The following SHANK2 variants were observed in gnomAD, a reference collection of about 807,000 sequenced individuals.
SHANK2 encodes SH3 and multiple ankyrin repeat domains protein 2.
Under a neutral mutation model 133.7 loss-of-function variants are expected in SHANK2, and 43 were observed. That is an observed-to-expected ratio of 0.32 (90% CI 0.25 to 0.41). The LOEUF (loss-of-function observed/expected upper bound fraction) is 0.41. Among genes scored for constraint, SHANK2 ranks in the 10% least tolerant of loss-of-function variants. The pLI is 1.00. For synonymous variants in SHANK2, 1,017 were observed against 952.8 expected, an observed-to-expected ratio of 1.07 and a Z score of -1.24; for missense variants, 1,994 against 2,235.8, an observed-to-expected ratio of 0.89 and a Z score of 2.18.
At chr11:70,761,231 T>C (rs1555040143) in intron 14 of SHANK2, among the ~76,000 whole-genome samples, 3 of 152,134 alleles carry the variant, frequency 2.0e-5, no homozygotes, top group African/African-American at 7.2e-5. Flanking sequence ...AAGGTCATGA[T>C]GGTGGGGCCC....
chr11:71,097,602 C>A (rs1180688245), intron 6 of SHANK2, among the ~76,000 whole-genome samples: 1 of 152,230 alleles, frequency 6.6e-6, no homozygotes, highest in Non-Finnish European at 1.5e-5. Context: ...GACCCTCCAA[C>A]TAGAGGCTGC....
At chr11:71,210,242 A>T (rs868926645) in intron 2 of SHANK2, among the ~76,000 whole-genome samples, 19 of 87,648 alleles carry the variant, frequency 2.2e-4, no homozygotes, top group African/African-American at 8.7e-4. Flanking sequence ...ATATATATAT[A>T]TATATATATA....
intron 2 of SHANK2, among the ~76,000 whole-genome samples, chr11:71,215,048 G>A (rs1954377448): frequency 6.6e-6 from 1 of 152,204 alleles, no homozygotes; most frequent in South Asian, 2.1e-4. Flanking sequence ...TTTCCCTTCA[G>A]CGGACAGCTC....
At chr11:70,887,799 T>C (rs190294750) in intron 11 of SHANK2, among the ~76,000 whole-genome samples, 1 of 152,238 alleles carries the variant, frequency 6.6e-6, no homozygotes, top group African/African-American at 2.4e-5. Flanking sequence ...CACCCACCTC[T>C]AGCTTGGAAT....
chr11:70,888,891 G>A (rs911977323), intron 11 of SHANK2, among the ~76,000 whole-genome samples: 26 of 152,082 alleles, frequency 1.7e-4, no homozygotes, highest in Non-Finnish European at 2.8e-4. Flanking sequence ...GCTGGGGGAG[G>A]AGCCATCCAT....
At chr11:70,667,288 C>T (rs1402447772) in intron 15 of SHANK2, among the ~76,000 whole-genome samples, 2 of 152,184 alleles carry the variant, frequency 1.3e-5, no homozygotes, top group African/African-American at 4.8e-5. Flanking sequence ...CTCCTGGGAG[C>T]CACTTGGAGG....
At chr11:70,930,873 C>T (rs1950494747) in intron 10 of SHANK2, among the ~76,000 whole-genome samples, 1 of 149,774 alleles carries the variant, frequency 6.7e-6, no homozygotes, top group African/African-American at 2.5e-5. Flanking sequence ...CACTATTTTG[C>T]CTGGGGTAGT....
intron 14 of SHANK2, among the ~76,000 whole-genome samples, chr11:70,776,559 T>C (rs146407260): frequency 4.5e-4 from 68 of 152,274 alleles, no homozygotes; most frequent in African/African-American, 1.3e-3. Context: ...AGACATCTCA[T>C]TGGGTAATGT....
At chr11:70,678,541 T>TC (rs1944953899) in intron 15 of SHANK2, among the ~76,000 whole-genome samples, 1 of 140,414 alleles carries the variant, frequency 7.1e-6, no homozygotes, top group Admixed American at 7.0e-5. Flanking sequence ...GCTTTTTTTT[T>TC]TTTTTTTTTT....
chr11:71,139,958 A>G lies in SHANK2; in HGVS notation c.207+7162T>C, dbSNP rs191786541. Among the ~76,000 whole-genome samples the G allele has an allele frequency of 5.2e-3, 794 of 152,196 alleles. 8 individuals carry two copies. Among genetic ancestry groups the G allele is most frequent in the African/African-American group, 0.017 (726 of 41,512 alleles). Reference sequence around the variant, plus strand: ...AGGAGGGGTGGCATTGGGGGAGAAAAGGGGCCGCCCAGGTGCTTCTCCAGC... The same window carrying G: ...AGGAGGGGTGGCATTGGGGGAGAAAGGGGGCCGCCCAGGTGCTTCTCCAGC... On this transcript the variant is annotated intron_variant, in intron 3 of 25. Transcript: ENST00000601538.
intron 17 of SHANK2, among the ~76,000 whole-genome samples, chr11:70,537,789 G>A (rs1476427558): frequency 3.3e-5 from 5 of 152,228 alleles, no homozygotes; most frequent in Admixed American, 2.0e-4. Context: ...GGGGACCCTC[G>A]ACATTCTGCT....
chr11:71,176,339 G>T (rs1437905270), intron 2 of SHANK2, among the ~76,000 whole-genome samples: 1 of 151,976 alleles, frequency 6.6e-6, no homozygotes, highest in East Asian at 1.9e-4. Flanking sequence ...TTTAGCAATA[G>T]AAAATTCAAT....
At chr11:71,214,895 C>T (rs1193135380) in intron 2 of SHANK2, among the ~76,000 whole-genome samples, 2 of 152,190 alleles carry the variant, frequency 1.3e-5, no homozygotes, top group Non-Finnish European at 2.9e-5. Flanking sequence ...GTTCTGGTCT[C>T]CAGGTATTGA....
intron 10 of SHANK2, among the ~76,000 whole-genome samples, chr11:70,941,857 T>A (rs1219135313): frequency 6.6e-6 from 1 of 150,400 alleles, no homozygotes; most frequent in Non-Finnish European, 1.5e-5. Context: ...TAATATAATA[T>A]ATAATAATAA....
At chr11:71,098,984 G>A (rs1165558008) in intron 6 of SHANK2, among the ~76,000 whole-genome samples, 1 of 152,138 alleles carries the variant, frequency 6.6e-6, no homozygotes. Flanking sequence ...CGCCCAAGAT[G>A]AGCCACACCA....
intron 14 of SHANK2, among the ~76,000 whole-genome samples, chr11:70,755,975 G>A (rs568347410): frequency 2.0e-5 from 3 of 152,312 alleles, no homozygotes; most frequent in South Asian, 2.1e-4. Context: ...CCAAGCCTAT[G>A]ACTTAGCCGC....
chr11:70,806,257 C>A (rs1189417456), intron 13 of SHANK2, among the ~76,000 whole-genome samples: 1 of 152,208 alleles, frequency 6.6e-6, no homozygotes, highest in Non-Finnish European at 1.5e-5. Flanking sequence ...GGCATGCTGG[C>A]CACGTGTGCT....
At chr11:71,100,229 G>A (rs1262213986) in intron 6 of SHANK2, among the ~76,000 whole-genome samples, 5 of 152,060 alleles carry the variant, frequency 3.3e-5, no homozygotes, top group African/African-American at 4.8e-5. Context: ...AACTAAAAAC[G>A]CACTTACTCC....
intron 11 of SHANK2, among the ~76,000 whole-genome samples, chr11:70,881,976 T>C (rs1329690511): frequency 6.6e-6 from 1 of 151,954 alleles, no homozygotes; most frequent in South Asian, 2.1e-4. Context: ...CCTCCCAAAG[T>C]CTTGGGATTA....
Sources: allele counts gnomAD v4.1 joint callset (sites outside exome capture counted in the v4.1 genomes callset), GRCh38; gene constraint gnomAD v4.1.1; transcripts MANE v1.5; gene names NCBI Gene and HGNC (gene_info 2026-07-23, HGNC 2026-07-21).